TNIP3: variants seen among roughly 807,000 people sequenced by gnomAD.
TNIP3 encodes the protein TNFAIP3-interacting protein 3.
Under a neutral mutation model 54.1 loss-of-function variants are expected in TNIP3, and 34 were observed. That is an observed-to-expected ratio of 0.63 (90% CI 0.48 to 0.84). The LOEUF (loss-of-function observed/expected upper bound fraction) is 0.84. TNIP3 is among the 40% of genes least tolerant of loss of function. TNIP3 has a pLI of 0.00. For synonymous variants in TNIP3, 134 were observed against 136.8 expected (o/e 0.98, Z 0.14); for missense variants, 366 against 387.6 (o/e 0.94, Z 0.47).
chr4:121,183,697 A>G (rs1467521159), intron 2 of TNIP3, among the ~76,000 whole-genome samples: 1 of 152,076 alleles, frequency 6.6e-6, no homozygotes, highest in Admixed American at 6.6e-5. Context: ...CCTATTGCGA[A>G]CTGCACATGT....
At chr4:121,149,708 G>A (rs112219172) in intron 6 of TNIP3, among the ~76,000 whole-genome samples, 1,543 of 152,322 alleles carry the variant, frequency 0.01, 21 homozygotes, top group African/African-American at 0.036. Flanking sequence ...GGAAGTTGCG[G>A]TGAGCGGAGG....
chr4:121,216,186 A>T (rs944378618), intron 2 of TNIP3, among the ~76,000 whole-genome samples: 6 of 152,246 alleles, frequency 3.9e-5, no homozygotes, highest in Admixed American at 1.3e-4. Flanking sequence ...AAATCAAATT[A>T]TCTTCATAAC....
intron 2 of TNIP3, among the ~76,000 whole-genome samples, chr4:121,200,686 T>C (rs922355441): frequency 6.6e-6 from 1 of 152,226 alleles, no homozygotes; most frequent in African/African-American, 2.4e-5. Flanking sequence ...CTGGAGTTAC[T>C]GCCAGTAATC....
intron 6 of TNIP3, among the ~76,000 whole-genome samples, chr4:121,147,405 G>A (rs1729495175): frequency 6.6e-6 from 1 of 152,150 alleles, no homozygotes; most frequent in Admixed American, 6.5e-5. Flanking sequence ...GTTAAGTGAT[G>A]CCACTAAATA....
intron 2 of TNIP3, among the ~76,000 whole-genome samples, chr4:121,200,455 C>A (rs1354812407): frequency 6.6e-6 from 1 of 152,056 alleles, no homozygotes. Flanking sequence ...TTCTGAGCAA[C>A]GTTTTTCATC....
intron 7 of TNIP3, among the ~76,000 whole-genome samples, chr4:121,145,478 G>T (rs1047531119): frequency 2.0e-5 from 3 of 151,972 alleles, no homozygotes; most frequent in African/African-American, 7.2e-5. Flanking sequence ...TTAAGGACTT[G>T]TGGATTATAG....
At chr4:121,197,894 T>G (rs896363513) in intron 2 of TNIP3, among the ~76,000 whole-genome samples, 13 of 152,328 alleles carry the variant, frequency 8.5e-5, no homozygotes, top group African/African-American at 2.9e-4. Context: ...ACTATTCAAG[T>G]GTTTTGCGCT....
Position 121,142,712 on chromosome 4 carries a change from T to A in TNIP3, c.786+14A>T. 1 of 1,605,496 alleles carries A rather than the reference T, an allele frequency of 6.2e-7. No individual in the cohort carries two copies. Among genetic ancestry groups the A allele is most frequent in the Non-Finnish European group, 8.5e-7 (1 of 1,172,746 alleles). On this transcript the variant is annotated intron_variant, in intron 8 of 10. Coordinates refer to ENST00000057513, the MANE Select transcript of TNIP3 (RefSeq NM_024873.6). The stretch of plus-strand genomic sequence containing the variant: ...ATGGGAATAAATGTATGCGTGAAAA[T>A]TAGATCAACATACCTGTTTTAATTG...
intron 1 of TNIP3, 118 bp from the exon 2 acceptor site, chr4:121,161,334 C>G: frequency 1.3e-6 from 1 of 792,262 alleles, no homozygotes; most frequent in Non-Finnish European, 2.0e-6. Context: ...TTAAAAAATA[C>G]CTGATTCTAG....
At chr4:121,158,211 G>T (rs578055236) in intron 3 of TNIP3, among the ~76,000 whole-genome samples, 1 of 152,312 alleles carries the variant, frequency 6.6e-6, no homozygotes, top group Admixed American at 6.5e-5. Context: ...TTAGATGGAA[G>T]AGGAGGTTGC....
At chr4:121,173,364 T>C (rs530361866) in intron 3 of TNIP3, among the ~76,000 whole-genome samples, 5 of 152,314 alleles carry the variant, frequency 3.3e-5, no homozygotes, top group African/African-American at 1.2e-4. Flanking sequence ...TTAATTTGCA[T>C]TTCCAAAATA....
rs1729314093 is a variant in TNIP3 at position 121,144,466 on chromosome 4, A to G, written c.736-1690T>C. ...GCCCAGACTGGAATGCAGTGGCCCAATCTCGGCTCACTGCAACCTCTGCCT... is the reference window on the plus strand; with the variant it reads ...GCCCAGACTGGAATGCAGTGGCCCAGTCTCGGCTCACTGCAACCTCTGCCT... On this transcript the variant is annotated intron_variant, in intron 7 of 10. Coordinates refer to ENST00000057513, the MANE Select transcript of TNIP3 (RefSeq NM_024873.6). Among the ~76,000 whole-genome samples the G allele has an allele frequency of 2.6e-5, 4 of 152,110 alleles. 1 individual carries two copies. Among genetic ancestry groups the G allele is most frequent in the African/African-American group, 9.7e-5 (4 of 41,422 alleles).
At chr4:121,137,033 T>C (rs1338777623) in intron 10 of TNIP3, among the ~76,000 whole-genome samples, 1 of 152,158 alleles carries the variant, frequency 6.6e-6, no homozygotes, top group Non-Finnish European at 1.5e-5. Flanking sequence ...ATTTCATTAT[T>C]GCATATTCTA....
At chr4:121,177,690 C>T (rs560570620) in intron 3 of TNIP3, among the ~76,000 whole-genome samples, 1 of 152,340 alleles carries the variant, frequency 6.6e-6, no homozygotes, top group South Asian at 2.1e-4. Flanking sequence ...CTGTCATTGG[C>T]TCACGCTTGT....
upstream of TNIP3, among the ~76,000 whole-genome samples, chr4:121,164,542 CCTAA>C (rs1730653538): frequency 6.6e-6 from 1 of 152,178 alleles, no homozygotes; most frequent in Non-Finnish European, 1.5e-5. Context: ...TCCTCAGTAG[CCTAA>C]CTGTTATAAA....
rs770166851 is a variant in TNIP3, at chr4:121,157,077, A to C, written c.363+17T>G. On this transcript the variant is annotated intron_variant, in intron 4 of 10. Coordinates refer to ENST00000057513, the MANE Select transcript of TNIP3 (RefSeq NM_024873.6). ...TTATTTGGATCCTCCGGGCTCGAGG[A>C]CCCGGGCCCCGCCCACCTCCTCCCG... 1 of 1,613,186 alleles carries C rather than the reference A, an allele frequency of 6.2e-7. No homozygotes were observed. Among genetic ancestry groups the C allele is most frequent in the Admixed American group, 1.7e-5 (1 of 59,990 alleles).
chr4:121,136,771 C>A (rs1282057122), intron 10 of TNIP3: 2 of 146,220 alleles, frequency 1.4e-5, no homozygotes, highest in South Asian at 4.4e-4. Context: ...GGGATGATTT[C>A]TTGAGCCCAG....
chr4:121,210,871 G>A (rs1390003713), intron 2 of TNIP3, among the ~76,000 whole-genome samples: 1 of 152,130 alleles, frequency 6.6e-6, no homozygotes, highest in Non-Finnish European at 1.5e-5. Flanking sequence ...AATTTAGGGG[G>A]ACACAATTCA....
chr4:121,224,887 G>GA (rs924327628), intron 1 of TNIP3, among the ~76,000 whole-genome samples: 1 of 151,558 alleles, frequency 6.6e-6, no homozygotes, highest in Non-Finnish European at 1.5e-5. Context: ...CTCTAATATT[G>GA]AAAAAAAATG....
Sources: gnomAD v4.1 joint callset for allele counts (sites outside exome capture counted in the v4.1 genomes callset) on GRCh38, gnomAD v4.1.1 for gene constraint, MANE v1.5 for transcripts, NCBI Gene and HGNC (gene_info 2026-07-23, HGNC 2026-07-21) for gene names.